FOXP1: variants seen among roughly 807,000 people sequenced by gnomAD.
FOXP1 encodes the protein forkhead box protein P1.
FOXP1 carries 15 observed loss-of-function variants against 98.2 expected under a neutral mutation model. That is an observed-to-expected ratio of 0.15 (90% confidence interval 0.10 to 0.24). The LOEUF (loss-of-function observed/expected upper bound fraction) is 0.24. FOXP1 is among the 10% of genes least tolerant of loss of function. The pLI, the probability that FOXP1 is intolerant of heterozygous loss-of-function variation, is 1.00. For missense variants in FOXP1, 633 were observed against 848.5 expected (o/e 0.75, Z 3.15); for synonymous variants, 371 against 314.5 (o/e 1.18, Z -1.90).
intron 2 of FOXP1, among the ~76,000 whole-genome samples, 187 bp from the exon 3 acceptor site, chr3:71,493,742 C>G (rs1280686665): frequency 6.6e-6 from 1 of 152,154 alleles, no homozygotes; most frequent in South Asian, 2.1e-4. Context: ...TTGAAAGATA[C>G]ATTTACTAAT....
intron 3 of FOXP1, among the ~76,000 whole-genome samples, chr3:71,388,035 A>G (rs1366174127): frequency 1.3e-5 from 2 of 152,336 alleles, no homozygotes; most frequent in East Asian, 3.9e-4. Flanking sequence ...AAGGGATGAA[A>G]AGTAAAAATT....
intron 5 of FOXP1, among the ~76,000 whole-genome samples, chr3:71,264,019 G>A (rs957416693): frequency 6.6e-6 from 1 of 151,242 alleles, no homozygotes; most frequent in Non-Finnish European, 1.5e-5. Flanking sequence ...CCAAATTGTT[G>A]TAAGTACAGG....
intron 3 of FOXP1, among the ~76,000 whole-genome samples, chr3:71,479,466 G>C (rs1404130765): frequency 1.3e-5 from 2 of 151,942 alleles, no homozygotes; most frequent in Non-Finnish European, 2.9e-5. Flanking sequence ...ATCACCTGAG[G>C]TCAGGAGTTC....
chr3:71,186,788 G>A (rs2062674435), intron 6 of FOXP1, among the ~76,000 whole-genome samples: 1 of 152,218 alleles, frequency 6.6e-6, no homozygotes, highest in African/African-American at 2.4e-5. Context: ...AAAGAGTGAC[G>A]AATGCTTCCT....
chr3:71,466,187 C>G (rs951392418), intron 3 of FOXP1, among the ~76,000 whole-genome samples: 1 of 152,280 alleles, frequency 6.6e-6, no homozygotes, highest in East Asian at 1.9e-4. Flanking sequence ...TTCAAGGACG[C>G]TTCCTCTGCC....
intron 6 of FOXP1, among the ~76,000 whole-genome samples, chr3:71,160,884 A>G (rs1169318712): frequency 1.3e-5 from 2 of 152,210 alleles, no homozygotes; most frequent in African/African-American, 2.4e-5. Context: ...ACCTCATACC[A>G]ATGTAGATTG....
intron 5 of FOXP1, among the ~76,000 whole-genome samples, chr3:71,298,597 C>T (rs915888996): frequency 1.1e-4 from 17 of 152,146 alleles, no homozygotes; most frequent in African/African-American, 4.1e-4. Flanking sequence ...ACATCTGAAA[C>T]GTATGTTTGT....
intron 5 of FOXP1, among the ~76,000 whole-genome samples, chr3:71,228,046 C>A (rs2065980844): frequency 6.6e-6 from 1 of 151,888 alleles, no homozygotes; most frequent in South Asian, 2.1e-4. Context: ...TGTCCAGAAA[C>A]CTCTTTGCAG....
chr3:71,175,006 G>A (rs1426407436), intron 6 of FOXP1, among the ~76,000 whole-genome samples: 7 of 150,946 alleles, frequency 4.6e-5, no homozygotes, highest in African/African-American at 7.3e-5. Flanking sequence ...CTCCGCCCCC[G>A]GGTTCAAGCC....
At chr3:71,092,951 T>C (rs2056041281) in intron 7 of FOXP1, among the ~76,000 whole-genome samples, 1 of 152,172 alleles carries the variant, frequency 6.6e-6, no homozygotes, top group Admixed American at 6.5e-5. Context: ...GGAAGACATA[T>C]TTACCAAATG....
At chr3:71,545,073 CA>C (rs2045247196) in intron 2 of FOXP1, among the ~76,000 whole-genome samples, 1 of 151,690 alleles carries the variant, frequency 6.6e-6, no homozygotes. Context: ...CGATTTTAAC[CA>C]GGACCATGGG....
intron 3 of FOXP1, among the ~76,000 whole-genome samples, chr3:71,487,723 C>T (rs1341058525): frequency 2.0e-5 from 3 of 152,096 alleles, no homozygotes; most frequent in East Asian, 1.9e-4. Flanking sequence ...ATCATGTGAA[C>T]GAAAGTCTGC....
At chr3:71,426,604 T>C (rs1266931023) in intron 3 of FOXP1, among the ~76,000 whole-genome samples, 3 of 152,132 alleles carry the variant, frequency 2.0e-5, no homozygotes, top group African/African-American at 7.2e-5. Flanking sequence ...AGTTTTTCCA[T>C]CCCTTCCACA....
intron 5 of FOXP1, among the ~76,000 whole-genome samples, chr3:71,289,356 T>C (rs1029666515): frequency 3.9e-5 from 6 of 151,990 alleles, no homozygotes; most frequent in Non-Finnish European, 5.9e-5. Flanking sequence ...GTTTTTTATC[T>C]AGAGACAGAG....
intron 7 of FOXP1, among the ~76,000 whole-genome samples, chr3:71,077,926 GGGTTCAAGCAATTCTCCT>G (rs1412456730): frequency 6.6e-6 from 1 of 151,530 alleles, no homozygotes; most frequent in African/African-American, 2.4e-5. Flanking sequence ...TCCACCTCCC[GGGTTCAAGCAATTCTCCT>G]GTTTCAGCCT....
Position 71,470,448 on chromosome 3 carries a change from A to G in FOXP1, c.-168+22978T>C, listed in dbSNP as rs559264418. On this transcript the variant is annotated intron_variant, in intron 3 of 20. Transcript: ENST00000649528. The stretch of plus-strand genomic sequence containing the variant: ...AAATCCTAATGGCTTTCCTTAAAAA[A>G]CAACGTTTGAGGCCGGTGCGGTGGC... Among the ~76,000 whole-genome samples the G allele has an allele frequency of 3.9e-5, 6 of 152,336 alleles. No homozygotes were observed. The South Asian group carries it at 1.2e-3, about 32-fold the overall frequency.
At chr3:71,499,144 C>T (rs867975387) in intron 2 of FOXP1, among the ~76,000 whole-genome samples, 16 of 152,284 alleles carry the variant, frequency 1.1e-4, no homozygotes, top group Admixed American at 1.3e-4. Flanking sequence ...CATCTCAGGA[C>T]GCCACAGAAG....
chr3:71,453,399 A>T (rs1577596216), intron 3 of FOXP1, among the ~76,000 whole-genome samples: 2 of 152,188 alleles, frequency 1.3e-5, no homozygotes, highest in Admixed American at 1.3e-4. Context: ...TGAATGATAT[A>T]TGCACATGAA....
intron 5 of FOXP1, among the ~76,000 whole-genome samples, chr3:71,264,403 T>C (rs1052136695): frequency 1.3e-4 from 20 of 152,112 alleles, no homozygotes; most frequent in Non-Finnish European, 7.4e-5. Context: ...CCAGCAAATA[T>C]AAAATCCATA....
Sources: gnomAD v4.1 joint callset for allele counts (sites outside exome capture counted in the v4.1 genomes callset) on GRCh38, gnomAD v4.1.1 for gene constraint, MANE v1.5 for transcripts, NCBI Gene and HGNC (gene_info 2026-07-23, HGNC 2026-07-21) for gene names.